Variants in LCLAT1 observed in about 807,000 individuals in gnomAD.
LCLAT1 encodes 1-AGP acyltransferase 8.
A neutral mutation model predicts 30.7 loss-of-function variants in LCLAT1; 11 were observed. The observed-to-expected ratio is 0.36, with a 90% CI of 0.23 to 0.59. The LOEUF (loss-of-function observed/expected upper bound fraction) is 0.59. Among genes scored for constraint, LCLAT1 ranks in the 20% least tolerant of loss-of-function variants. The pLI is 0.77. For missense variants in LCLAT1, 402 were observed against 458.6 expected, an observed-to-expected ratio of 0.88 and a Z score of 1.13; for synonymous variants, 155 against 151.3, an observed-to-expected ratio of 1.02 and a Z score of -0.18.
chr2:30,583,381 C>T (rs966795471), intron 5 of LCLAT1, among the ~76,000 whole-genome samples: 16 of 152,210 alleles, frequency 1.1e-4, no homozygotes, highest in Non-Finnish European at 1.3e-4. Flanking sequence ...TAGTGTTCTA[C>T]ATCACCACAA....
chr2:30,602,494 T>A (rs972480413), intron 5 of LCLAT1, among the ~76,000 whole-genome samples: 2 of 152,210 alleles, frequency 1.3e-5, no homozygotes, highest in African/African-American at 4.8e-5. Flanking sequence ...ACTGCCATCA[T>A]TGACTGAGAT....
intron 1 of LCLAT1, among the ~76,000 whole-genome samples, chr2:30,484,383 G>C (rs1268040622): frequency 6.6e-6 from 1 of 152,056 alleles, no homozygotes; most frequent in African/African-American, 2.4e-5. Flanking sequence ...GAAAGCCACA[G>C]GGCTCTTTTG....
intron 3 of LCLAT1, among the ~76,000 whole-genome samples, chr2:30,542,995 A>C (rs1020099252): frequency 1.1e-5 from 1 of 87,446 alleles, no homozygotes; most frequent in East Asian, 2.8e-4. Flanking sequence ...CTATTCTTTT[A>C]GTATAATGTT....
chr2:30,616,642 C>A (rs1268030250), intron 5 of LCLAT1, among the ~76,000 whole-genome samples: 1 of 152,020 alleles, frequency 6.6e-6, no homozygotes, highest in African/African-American at 2.4e-5. Context: ...TTATTTGTGA[C>A]CCTGAAGGAA....
At chr2:30,494,673 C>CT (rs577787239) in intron 1 of LCLAT1, among the ~76,000 whole-genome samples, 172 of 143,924 alleles carry the variant, frequency 1.2e-3, no homozygotes, top group Admixed American at 1.6e-3. Context: ...CATTCTTTTA[C>CT]TTTTTTTTTT....
In LCLAT1 at chr2:30,607,845, CTGTGTGTGTGTGTGTGTGTG is replaced by C. The variant is rs55801578; in HGVS notation, c.629-32236_629-32217del. On this transcript the variant is annotated intron_variant, in intron 5 of 5. Coordinates refer to ENST00000379509, the MANE Select transcript of LCLAT1 (RefSeq NM_001002257.3). ...GATCCTGACCCTGTGTAGGCCTAGG[CTGTGTGTGTGTGTGTGTGTG>C]TGTGTGTGTGTGTGTGTGTGTGTGT... The C allele has an allele frequency of 2.8e-3, 385 of 138,412 alleles. 2 individuals carry two copies. The highest frequency in any genetic ancestry group is 4.9e-3 in the Admixed American group (68 of 13,764). The allele number at this position is 138,412 out of a possible 1,614,324, so 8.6% of individuals were successfully genotyped here. A position where few individuals can be genotyped will look rare whatever the true frequency, so the allele number is the denominator to read the frequency against.
chr2:30,473,671 G>C (rs1328316165), intron 1 of LCLAT1, among the ~76,000 whole-genome samples: 1 of 152,180 alleles, frequency 6.6e-6, no homozygotes, highest in Non-Finnish European at 1.5e-5. Context: ...TAAATCATCT[G>C]AAACAAATTG....
chr2:30,517,352 C>T (rs1422003306), intron 1 of LCLAT1, among the ~76,000 whole-genome samples: 5 of 152,194 alleles, frequency 3.3e-5, no homozygotes, highest in Non-Finnish European at 7.3e-5. Flanking sequence ...CAGCCCTCGA[C>T]GTGGGTAGTT....
chr2:30,537,741 C>G (rs981351685), intron 3 of LCLAT1, among the ~76,000 whole-genome samples: 2 of 152,118 alleles, frequency 1.3e-5, no homozygotes, highest in Admixed American at 1.3e-4. Context: ...GTGGACCTAA[C>G]AGATATTTAA....
At chr2:30,594,386 C>A (rs1010183146) in intron 5 of LCLAT1, among the ~76,000 whole-genome samples, 2 of 152,194 alleles carry the variant, frequency 1.3e-5, no homozygotes, top group African/African-American at 4.8e-5. Context: ...CTCCTCCAAG[C>A]ATTTATTCTA....
At chr2:30,593,711 A>G (rs1344204223) in intron 5 of LCLAT1, among the ~76,000 whole-genome samples, 1 of 152,188 alleles carries the variant, frequency 6.6e-6, no homozygotes, top group African/African-American at 2.4e-5. Flanking sequence ...ATGAACTGGA[A>G]AATAGTTTCT....
intron 1 of LCLAT1, among the ~76,000 whole-genome samples, chr2:30,505,297 A>G (rs567795646): frequency 1.0e-3 from 153 of 151,502 alleles, no homozygotes; most frequent in African/African-American, 3.6e-3. Flanking sequence ...CAAGGACACC[A>G]ACAATGATTT....
chr2:30,602,826 C>T (rs1667254105), intron 5 of LCLAT1, among the ~76,000 whole-genome samples: 1 of 152,060 alleles, frequency 6.6e-6, no homozygotes, highest in African/African-American at 2.4e-5. Context: ...TTAGCTCAGC[C>T]CTGGCTTCCC....
At chr2:30,500,905 C>G (rs1158862746) in intron 1 of LCLAT1, among the ~76,000 whole-genome samples, 1 of 152,130 alleles carries the variant, frequency 6.6e-6, no homozygotes, top group East Asian at 1.9e-4. Flanking sequence ...TACCAACCAT[C>G]AGGCCTCACA....
rs1685678521 is a variant in LCLAT1, at chr2:30,525,629, G to A, written c.39G>A (p.Leu13=). 3 of 1,614,012 alleles carry A rather than the reference G, an allele frequency of 1.9e-6. No individual in the cohort carries two copies. The highest frequency in any genetic ancestry group is 2.5e-6 in the Non-Finnish European group (3 of 1,179,900). ...AAGGGATTTACTTTATACTGACTCT[G>A]TTTTGGGGAAGCTTTTTTGGAAGCA... ...SWKGIYFILT[L]FWGSFFGSIF... The change falls in exon 2 of 6, where the codon CTG becomes CTA. Residue 13 remains leucine, a synonymous_variant. Coordinates refer to ENST00000379509, the MANE Select transcript of LCLAT1 (RefSeq NM_001002257.3).
At chr2:30,561,500 T>G (rs1216136999) in intron 3 of LCLAT1, among the ~76,000 whole-genome samples, 1 of 152,164 alleles carries the variant, frequency 6.6e-6, no homozygotes, top group African/African-American at 2.4e-5. Flanking sequence ...AGATGGCTGG[T>G]CATCTAAAAC....
At chr2:30,604,524 T>G (rs1181730136) in intron 5 of LCLAT1, among the ~76,000 whole-genome samples, 2 of 152,040 alleles carry the variant, frequency 1.3e-5, no homozygotes, top group Non-Finnish European at 2.9e-5. Context: ...AAATTTAAAT[T>G]TCATAGGACT....
At chr2:30,516,169 A>G (rs1685172222) in intron 1 of LCLAT1, among the ~76,000 whole-genome samples, 1 of 152,204 alleles carries the variant, frequency 6.6e-6, no homozygotes, top group African/African-American at 2.4e-5. Flanking sequence ...AGGGACAACT[A>G]TCAGGATATA....
At chr2:30,570,259 A>G (rs1446976392) in intron 5 of LCLAT1, among the ~76,000 whole-genome samples, 1 of 152,192 alleles carries the variant, frequency 6.6e-6, no homozygotes, top group Non-Finnish European at 1.5e-5. Context: ...TCCCTCCTGT[A>G]TCAGTAAAAA....
Sources: allele counts gnomAD v4.1 joint callset (sites outside exome capture counted in the v4.1 genomes callset), GRCh38; gene constraint gnomAD v4.1.1; transcripts MANE v1.5; gene names NCBI Gene and HGNC (gene_info 2026-07-23, HGNC 2026-07-21).